The following CFAP299 variants were observed in gnomAD, a reference collection of about 807,000 sequenced individuals.
CFAP299 encodes cilia- and flagella-associated protein 299.
A neutral mutation model predicts 27.0 loss-of-function variants in CFAP299; 21 were observed. The ratio of observed to expected loss-of-function variants is 0.78; its 90% CI spans 0.55 to 1.12. The LOEUF is 1.12. CFAP299 is among the 50% of genes most tolerant of loss of function. The pLI, the probability that CFAP299 is intolerant of heterozygous loss-of-function variation, is 0.00. For synonymous variants in CFAP299, 104 were observed against 98.1 expected, an observed-to-expected ratio of 1.06 and a Z score of -0.36; for missense variants, 310 against 276.6, an observed-to-expected ratio of 1.12 and a Z score of -0.86.
At chr4:80,424,215 C>A (rs35744099) in intron 2 of CFAP299, among the ~76,000 whole-genome samples, 1 of 152,308 alleles carries the variant, frequency 6.6e-6, no homozygotes, top group East Asian at 1.9e-4. Flanking sequence ...CCTTCTCTGA[C>A]TATGGCTCTT....
chr4:80,669,431 G>A (rs1234944052), intron 3 of CFAP299, among the ~76,000 whole-genome samples: 1 of 151,896 alleles, frequency 6.6e-6, no homozygotes, highest in Admixed American at 6.6e-5. Flanking sequence ...AGGATTACAA[G>A]TGTGAGCCAC....
At chr4:80,686,583 G>A (rs551381579) in intron 3 of CFAP299, among the ~76,000 whole-genome samples, 9 of 152,152 alleles carry the variant, frequency 5.9e-5, no homozygotes, top group East Asian at 1.9e-4. Flanking sequence ...TGCTTTTACC[G>A]CTGTTAATCA....
At chr4:80,378,475 A>T (rs1166804703) in intron 2 of CFAP299, among the ~76,000 whole-genome samples, 1 of 151,500 alleles carries the variant, frequency 6.6e-6, no homozygotes, top group Non-Finnish European at 1.5e-5. Flanking sequence ...AGAGAAGGGG[A>T]TATTGTTTTT....
intron 3 of CFAP299, among the ~76,000 whole-genome samples, chr4:80,863,256 G>A (rs571641874): frequency 1.4e-5 from 2 of 145,962 alleles, no homozygotes; most frequent in South Asian, 2.2e-4. Context: ...GTCCCATTTC[G>A]ATGTATCAGT....
At chr4:80,696,808 A>C (rs1310487634) in intron 3 of CFAP299, among the ~76,000 whole-genome samples, 2 of 152,166 alleles carry the variant, frequency 1.3e-5, no homozygotes, top group East Asian at 1.9e-4. Context: ...TAAGGTGTCT[A>C]AAGAATACTA....
intron 3 of CFAP299, among the ~76,000 whole-genome samples, chr4:80,637,841 G>A (rs1450599735): frequency 6.6e-6 from 1 of 152,148 alleles, no homozygotes; most frequent in Non-Finnish European, 1.5e-5. Flanking sequence ...AGGTCACGTT[G>A]CCTTGCTTCC....
intron 3 of CFAP299, among the ~76,000 whole-genome samples, chr4:80,860,424 T>C (rs879972532): frequency 1.1e-4 from 17 of 152,258 alleles, no homozygotes; most frequent in Admixed American, 2.6e-4. Context: ...AGTCATTCTC[T>C]GTCCAGCTTT....
At chr4:80,659,745 T>C (rs1308189945) in intron 3 of CFAP299, among the ~76,000 whole-genome samples, 1 of 150,574 alleles carries the variant, frequency 6.6e-6, no homozygotes, top group Admixed American at 6.6e-5. Context: ...ATACACTCTT[T>C]TGTGTTTCTT....
At chr4:80,595,168 T>G (rs572821452) in intron 3 of CFAP299, among the ~76,000 whole-genome samples, 1 of 152,168 alleles carries the variant, frequency 6.6e-6, no homozygotes, top group African/African-American at 2.4e-5. Context: ...ACTTAACCCT[T>G]CTTACCTTCC....
chr4:80,417,194 G>T (rs1405752929), intron 2 of CFAP299, among the ~76,000 whole-genome samples: 1 of 152,160 alleles, frequency 6.6e-6, no homozygotes, highest in Non-Finnish European at 1.5e-5. Flanking sequence ...TGGCGCTGGT[G>T]GGGGTGATTT....
At chr4:80,545,453 C>T (rs1368575738) in intron 2 of CFAP299, among the ~76,000 whole-genome samples, 7 of 151,860 alleles carry the variant, frequency 4.6e-5, no homozygotes, top group Non-Finnish European at 1.0e-4. Flanking sequence ...AAAAAAAACC[C>T]TCAGACTATT....
chr4:80,656,300 C>G (rs563307530), intron 3 of CFAP299, among the ~76,000 whole-genome samples: 1 of 152,002 alleles, frequency 6.6e-6, no homozygotes, highest in African/African-American at 2.4e-5. Flanking sequence ...TAGGTATACA[C>G]GTGCCATGGT....
intron 3 of CFAP299, among the ~76,000 whole-genome samples, chr4:80,606,324 C>T (rs1055561815): frequency 2.0e-5 from 3 of 152,088 alleles, no homozygotes; most frequent in Non-Finnish European, 4.4e-5. Flanking sequence ...ATCACAAGGT[C>T]AGGAGTTCGA....
intron 3 of CFAP299, among the ~76,000 whole-genome samples, chr4:80,728,228 G>T (rs1044867569): frequency 6.6e-6 from 1 of 151,824 alleles, no homozygotes; most frequent in Non-Finnish European, 1.5e-5. Context: ...AAAACTTATA[G>T]AATATTCTTT....
intron 5 of CFAP299, among the ~76,000 whole-genome samples, chr4:80,948,782 A>G (rs57576556): frequency 0.038 from 5,730 of 152,150 alleles, 362 homozygotes; most frequent in African/African-American, 0.13. Flanking sequence ...TTTGATAAAT[A>G]TTCATTGAAT....
At position 80,789,501 on chromosome 4, in the gene CFAP299, C is replaced by T. The variant is rs138147663; in HGVS notation, c.334-80492C>T. ...AGTTACCTGATATCAAATTACTAGA[C>T]GATTTTGTTAATATGTTGATAAATT... On this transcript the variant is annotated intron_variant, in intron 3 of 5. Coordinates refer to ENST00000358105, the MANE Select transcript of CFAP299 (RefSeq NM_152770.3). Among the ~76,000 whole-genome samples, 428 of 152,004 alleles carry T rather than the reference C, an allele frequency of 2.8e-3. 2 individuals carry two copies. Among genetic ancestry groups the T allele is most frequent in the Middle Eastern group, 0.027 (8 of 294 alleles).
At chr4:80,403,708 A>C (rs1726275479) in intron 2 of CFAP299, among the ~76,000 whole-genome samples, 1 of 152,130 alleles carries the variant, frequency 6.6e-6, no homozygotes, top group Non-Finnish European at 1.5e-5. Context: ...AGGTCTCATT[A>C]CTTTATATAT....
chr4:80,843,150 A>G (rs1042710850), intron 3 of CFAP299, among the ~76,000 whole-genome samples: 6 of 151,992 alleles, frequency 3.9e-5, no homozygotes, highest in African/African-American at 1.5e-4. Flanking sequence ...TTATATATGT[A>G]TACATGTGCC....
intron 3 of CFAP299, among the ~76,000 whole-genome samples, chr4:80,849,251 A>T (rs1731360947): frequency 6.6e-6 from 1 of 152,150 alleles, no homozygotes; most frequent in Admixed American, 6.6e-5. Context: ...CCGGGTCAGG[A>T]TCATCAAGAT....
Sources: allele counts gnomAD v4.1 joint callset (sites outside exome capture counted in the v4.1 genomes callset), GRCh38; gene constraint gnomAD v4.1.1; transcripts MANE v1.5; gene names NCBI Gene and HGNC (gene_info 2026-07-23, HGNC 2026-07-21).